Variants in PTMS observed in about 807,000 individuals in gnomAD.
The protein encoded by PTMS is parathymosin.
A neutral mutation model predicts 18.4 loss-of-function variants in PTMS; 5 were observed. The ratio of observed to expected loss-of-function variants is 0.27; its 90% CI spans 0.14 to 0.57. The LOEUF (loss-of-function observed/expected upper bound fraction) is 0.57. Among genes scored for constraint, PTMS ranks in the 20% least tolerant of loss-of-function variants. The pLI, the probability that PTMS is intolerant of heterozygous loss-of-function variation, is 0.92. For synonymous variants in PTMS, 53 were observed against 47.7 expected (o/e 1.11, Z -0.46); for missense variants, 93 against 124.6 (o/e 0.75, Z 1.21).
At chr12:6,768,403 G>A (rs1351366814) in intron 1 of PTMS, among the ~76,000 whole-genome samples, 1 of 152,174 alleles carries the variant, frequency 6.6e-6, no homozygotes, top group Non-Finnish European at 1.5e-5. Flanking sequence ...TCTGGAGTGA[G>A]AGTGAAGAGT....
chr12:6,769,114 G>C (rs1462426754), intron 1 of PTMS: 2 of 205,680 alleles, frequency 9.7e-6, no homozygotes. Flanking sequence ...AAAGACCTTA[G>C]AAGCTGAAGG....
intron 1 of PTMS, among the ~76,000 whole-genome samples, chr12:6,768,830 A>C (rs567729659): frequency 6.6e-6 from 1 of 152,196 alleles, no homozygotes; most frequent in South Asian, 2.1e-4. Flanking sequence ...ATCCCACCCC[A>C]GTCACAGACC....
chr12:6,770,092 G>T lies in PTMS; in HGVS notation c.197-65G>T. 1 of 1,610,574 alleles carries T rather than the reference G, an allele frequency of 6.2e-7. No individual in the cohort carries two copies. Among genetic ancestry groups the T allele is most frequent in the South Asian group, 1.1e-5 (1 of 90,564 alleles). On this transcript the variant is annotated intron_variant, in intron 3 of 4. Transcript: ENST00000309083. This position sits in a 1 kb window ranked among gnomAD's most constrained non-coding sequence, Gnocchi z 7.3. ...TTTGAAGACCTGAAGCAGGGCTGAGGGCGACCACGGGGGCTCTGCCAGAGC... is the reference window on the plus strand; with the variant it reads ...TTTGAAGACCTGAAGCAGGGCTGAGTGCGACCACGGGGGCTCTGCCAGAGC...
At chr12:6,768,105 G>C (rs1469016690) in intron 1 of PTMS, among the ~76,000 whole-genome samples, 2 of 152,230 alleles carry the variant, frequency 1.3e-5, no homozygotes, top group Non-Finnish European at 2.9e-5. Flanking sequence ...TATTCTCCTG[G>C]AAAAGGGATC....
chr12:6,769,333 G>A (rs530171468), intron 1 of PTMS, among the ~76,000 whole-genome samples: 3 of 152,176 alleles, frequency 2.0e-5, no homozygotes, highest in Admixed American at 2.0e-4. Flanking sequence ...AGAACTTGAT[G>A]GGGGTGGGGA....
chr12:6,766,988 C>T (rs1488067975), intron 1 of PTMS, among the ~76,000 whole-genome samples: 1 of 151,836 alleles, frequency 6.6e-6, no homozygotes, highest in African/African-American at 2.4e-5. Context: ...CCGCTCCGGT[C>T]GCGCCGTCCC....
rs1276642510 is a variant in PTMS at position 6,770,465 on chromosome 12, T to C, written c.*23T>C. The C allele has an allele frequency of 6.8e-7, 1 of 1,478,768 alleles. No individual in the cohort carries two copies. Among genetic ancestry groups the C allele is most frequent in the African/African-American group, 1.7e-5 (1 of 59,730 alleles). The allele number at this position is 1,478,768 out of a possible 1,614,324, so 91.6% of individuals were successfully genotyped here. ...TGAGCCCCTGCCAACAGGCTGGGGT[T>C]GGGAGGCCTCTCTGGGCCTGGAGGT... On this transcript the variant is annotated 3_prime_UTR_variant, in exon 5 of 5. Transcript: ENST00000309083. The surrounding 1 kb of genome is among the most constrained non-coding windows in gnomAD (Gnocchi z 7.3).
chr12:6,767,208 G>T (rs1349458824), intron 1 of PTMS: 1 of 151,910 alleles, frequency 6.6e-6, no homozygotes, highest in Non-Finnish European at 1.5e-5. Flanking sequence ...TGCTCCTCCG[G>T]GCCCCTCCCC....
intron 1 of PTMS, 102 bp from the exon 2 acceptor site, chr12:6,769,501 C>G (rs1175629461): frequency 1.5e-6 from 2 of 1,293,534 alleles, no homozygotes; most frequent in Non-Finnish European, 2.2e-6. Flanking sequence ...TTATTCAGTT[C>G]ACACACCTCT....
At position 6,766,675 on chromosome 12, in the gene PTMS, C is replaced by T; in HGVS notation, c.-31C>T. 8.9e-7 allele frequency: 1 copy of T among 1,117,326 alleles called. No homozygotes were observed. The highest frequency in any genetic ancestry group is 1.1e-6 in the Non-Finnish European group (1 of 910,160). The allele number at this position is 1,117,326 out of a possible 1,614,324, so 69.2% of individuals were successfully genotyped here. On this transcript the variant is annotated 5_prime_UTR_variant, in exon 1 of 5. Transcript: ENST00000309083. ...CCGTCTCGGCCCCGGGACCCCGGCTCCCCGCCAGCCCCGGCCCCGGCCCCG... is the reference window on the plus strand; with the variant it reads ...CCGTCTCGGCCCCGGGACCCCGGCTTCCCGCCAGCCCCGGCCCCGGCCCCG...
intron 2 of PTMS, 90 bp from the exon 3 acceptor site, chr12:6,769,830 CT>C (rs749023407): frequency 1.9e-6 from 3 of 1,610,084 alleles, no homozygotes; most frequent in Middle Eastern, 1.7e-4. Context: ...ATCCCAAGCC[CT>C]TTTATCACCC....
rs1186192518 is a variant in PTMS at position 6,770,799 on chromosome 12, A to C, written c.*357A>C. 4 of 288,740 alleles carry C rather than the reference A, an allele frequency of 1.4e-5. No individual in the cohort carries two copies. In the East Asian group the frequency reaches 2.1e-4, roughly 15 times the overall value. 17.9% of individuals were successfully genotyped at this position (288,740 alleles called of 1,614,324 possible). ...CAGCCTCATGTCCTGCCCCATCCCTATCCTGCCTGATCCCTGGATCTCCCT... is the reference window on the plus strand; with the variant it reads ...CAGCCTCATGTCCTGCCCCATCCCTCTCCTGCCTGATCCCTGGATCTCCCT... On this transcript the variant is annotated 3_prime_UTR_variant, in exon 5 of 5. Transcript: ENST00000309083. The surrounding 1 kb of genome is among the most constrained non-coding windows in gnomAD (Gnocchi z 7.3).
In PTMS at chr12:6,766,621, G is replaced by C; in HGVS notation, c.-85G>C. The C allele has an allele frequency of 1.2e-6, 1 of 822,380 alleles. No individual in the cohort carries two copies. The highest frequency in any genetic ancestry group is 1.5e-6 in the Non-Finnish European group (1 of 662,038). The allele number at this position is 822,380 out of a possible 1,614,324, so 50.9% of individuals were successfully genotyped here. On this transcript the variant is annotated 5_prime_UTR_variant, in exon 1 of 5. Transcript: ENST00000309083. ...GCCGCCACCGCGCCAGGTTCCGGCC[G>C]CGGCCACCCTCCGCCGTCCAGGGCC...
In PTMS at chr12:6,770,549, C is replaced by T. The variant is rs572310883; in HGVS notation, c.*107C>T. 5 of 1,295,536 alleles carry T rather than the reference C, an allele frequency of 3.9e-6. No individual in the cohort carries two copies. The African/African-American group carries it at 5.9e-5, about 15-fold the overall frequency. The allele number at this position is 1,295,536 out of a possible 1,614,324, so 80.3% of individuals were successfully genotyped here. A position where few individuals can be genotyped will look rare whatever the true frequency, so the allele number is the denominator to read the frequency against. ...ACCTGGCTCCCTGCTCTGGGCCCTG[C>T]ACCAGAGCTGCCACCCTCTTCTTTC... is the stretch of plus-strand genomic sequence containing the variant. On this transcript the variant is annotated 3_prime_UTR_variant, in exon 5 of 5. Coordinates refer to ENST00000309083, the MANE Select transcript of PTMS (RefSeq NM_002824.6). The surrounding 1 kb of genome is among the most constrained non-coding windows in gnomAD (Gnocchi z 7.3).
intron 1 of PTMS, chr12:6,767,079 C>T (rs1459744284): frequency 6.4e-6 from 1 of 155,230 alleles, no homozygotes; most frequent in African/African-American, 2.4e-5. Flanking sequence ...CCCCGAGTCT[C>T]ACTTTGCCGC....
At chr12:6,767,925 A>G (rs1322961080) in intron 1 of PTMS, among the ~76,000 whole-genome samples, 1 of 152,204 alleles carries the variant, frequency 6.6e-6, no homozygotes, top group African/African-American at 2.4e-5. Flanking sequence ...GTGCTGTCTC[A>G]AGAGTGTGGA....
At position 6,766,589 on chromosome 12, in the gene PTMS, C is replaced by T. The variant is rs1486593457; in HGVS notation, c.-117C>T. 6 of 525,830 alleles carry T rather than the reference C, an allele frequency of 1.1e-5. No individual in the cohort carries two copies. The East Asian group carries it at 7.1e-4, about 62-fold the overall frequency. The allele number at this position is 525,830 out of a possible 1,614,324, so 32.6% of individuals were successfully genotyped here. On this transcript the variant is annotated 5_prime_UTR_variant, in exon 1 of 5. Transcript: ENST00000309083. ...GAGCGGCCGCCGCTGCCGCTGTCGC[C>T]GCCGCCGCCGCCACCGCGCCAGGTT...
rs1355109801 is a variant in PTMS at position 6,769,989 on chromosome 12, G to C, written c.186G>C (p.Gly62=). 2 of 1,555,530 alleles carry C rather than the reference G, an allele frequency of 1.3e-6. No homozygotes were observed. The highest frequency in any genetic ancestry group is 2.7e-5 in the African/African-American group (2 of 73,222). ...AGGATGGAGAGGAGGAAGATGAAGG[G>C]GAAGAAGAAGGTGGGGAGGGGCAGG... ...TAEDGEEEDE[G]EEEDEEEEEE... is the part of the protein sequence containing the mutation. The change falls in exon 3 of 5, where the codon GGG becomes GGC. Residue 62 remains glycine, a synonymous_variant. Transcript: ENST00000309083.
Position 6,766,721 on chromosome 12 carries a change from G to C in PTMS, c.16G>C (p.Val6Leu). MSEKS[V>L]EAAAELSAKD... is the part of the protein sequence containing the mutation. ...CCCCGGCACCATGTCGGAGAAAAGCGTGGAGGCAGCGGCCGAGTTGAGCGC... is the reference window on the plus strand; with the variant it reads ...CCCCGGCACCATGTCGGAGAAAAGCCTGGAGGCAGCGGCCGAGTTGAGCGC... Residue 6 changes from valine (V) to leucine (L), a missense_variant, in exon 1 of 5, where the codon GTG (valine) becomes CTG (leucine). Physicochemically the swap from Val to Leu is conservative, Grantham distance 32. Transcript: ENST00000309083. 9.0e-7 allele frequency: 1 copy of C among 1,115,020 alleles called. No homozygotes were observed. Among genetic ancestry groups the C allele is most frequent in the Non-Finnish European group, 1.1e-6 (1 of 913,082 alleles). 69.1% of individuals were successfully genotyped at this position (1,115,020 alleles called of 1,614,324 possible).
Sources: allele counts gnomAD v4.1 joint callset (sites outside exome capture counted in the v4.1 genomes callset), GRCh38; gene constraint gnomAD v4.1.1; non-coding constraint Gnocchi (gnomAD v3.1); transcripts MANE v1.5; gene names NCBI Gene and HGNC (gene_info 2026-07-23, HGNC 2026-07-21).